The following TIAM1 variants were observed in gnomAD, a reference collection of about 807,000 sequenced individuals.
TIAM1 encodes rho guanine nucleotide exchange factor TIAM1.
Under a neutral mutation model 163.5 loss-of-function variants are expected in TIAM1, and 65 were observed. The ratio of observed to expected loss-of-function variants is 0.40; its 90% CI spans 0.33 to 0.49. TIAM1 has a LOEUF of 0.49. Among genes scored for constraint, TIAM1 ranks in the 20% least tolerant of loss-of-function variants. The probability of loss-of-function intolerance (pLI) is 0.77; values close to 1 mark genes in which losing one functional copy is unlikely to be tolerated. For missense variants in TIAM1, 1,789 were observed against 2,044.7 expected (o/e 0.87, Z 2.41); for synonymous variants, 833 against 810.1 (o/e 1.03, Z -0.48).
intron 2 of TIAM1, among the ~76,000 whole-genome samples, chr21:31,338,520 TAG>T (rs982204008): frequency 2.0e-5 from 3 of 152,046 alleles, no homozygotes; most frequent in African/African-American, 7.2e-5. Flanking sequence ...ATTCTCCTCC[TAG>T]GAAGTAAACG....
intron 13 of TIAM1, among the ~76,000 whole-genome samples, chr21:31,188,811 C>T (rs963387576): frequency 6.6e-6 from 1 of 151,816 alleles, no homozygotes; most frequent in Admixed American, 6.6e-5. Flanking sequence ...TGGCCTCATG[C>T]GATCCTCCCA....
intron 2 of TIAM1, among the ~76,000 whole-genome samples, chr21:31,289,881 T>C (rs1358671101): frequency 1.3e-5 from 2 of 152,156 alleles, no homozygotes; most frequent in Non-Finnish European, 2.9e-5. Flanking sequence ...TGACATTCAC[T>C]GCCAAGTAAT....
At chr21:31,558,816 C>CG (rs1312229027) in intron 1 of TIAM1, 1 of 152,110 alleles carries the variant, frequency 6.6e-6, no homozygotes, top group East Asian at 1.9e-4. Flanking sequence ...GTGCGGGAGA[C>CG]GGGGGTCAGA....
chr21:31,469,793 C>T (rs1165920150), intron 1 of TIAM1, among the ~76,000 whole-genome samples: 1 of 151,858 alleles, frequency 6.6e-6, no homozygotes, highest in African/African-American at 2.4e-5. Flanking sequence ...GATCGCGCCA[C>T]TGCCCTCCAG....
chr21:31,420,985 G>C (rs1290280164), intron 2 of TIAM1, among the ~76,000 whole-genome samples: 1 of 151,962 alleles, frequency 6.6e-6, no homozygotes, highest in Non-Finnish European at 1.5e-5. Context: ...AGCCGGGTAT[G>C]GTGGCGGGTG....
intron 15 of TIAM1, among the ~76,000 whole-genome samples, chr21:31,169,958 A>C (rs2084423406): frequency 6.6e-6 from 1 of 152,244 alleles, no homozygotes; most frequent in East Asian, 1.9e-4. Context: ...GAGAAAGCAG[A>C]ATTTATAAAT....
chr21:31,358,479 C>T (rs992237860), intron 2 of TIAM1, among the ~76,000 whole-genome samples: 23 of 152,138 alleles, frequency 1.5e-4, no homozygotes, highest in Non-Finnish European at 2.5e-4. Flanking sequence ...ACTCCACAAT[C>T]GAATACCGCA....
At chr21:31,453,130 T>C in intron 2 of TIAM1, 1 of 306,124 alleles carries the variant, frequency 3.3e-6, no homozygotes. Flanking sequence ...AGGATTCTCC[T>C]GAAAAAAGTG....
At chr21:31,343,440 T>G (rs1278626682) in intron 1 of TIAM1, among the ~76,000 whole-genome samples, 1 of 152,186 alleles carries the variant, frequency 6.6e-6, no homozygotes, top group East Asian at 1.9e-4. Context: ...AAAATTGACT[T>G]AGGCAATCGA....
At chr21:31,127,663 G>A (rs1490881471) in intron 25 of TIAM1, among the ~76,000 whole-genome samples, 6 of 152,022 alleles carry the variant, frequency 3.9e-5, no homozygotes, top group Admixed American at 2.0e-4. Context: ...TGATCCACCC[G>A]CCTCGGCCTC....
chr21:31,486,060 T>C (rs1040540557), intron 1 of TIAM1, among the ~76,000 whole-genome samples: 2 of 152,260 alleles, frequency 1.3e-5, no homozygotes, highest in East Asian at 1.9e-4. Context: ...CACCACTGAG[T>C]GGAAACCAAT....
At chr21:31,365,030 T>C (rs1157819548) in intron 2 of TIAM1, among the ~76,000 whole-genome samples, 1 of 152,230 alleles carries the variant, frequency 6.6e-6, no homozygotes, top group East Asian at 1.9e-4. Flanking sequence ...TTCATGATTT[T>C]TACATGACAC....
intron 2 of TIAM1, among the ~76,000 whole-genome samples, chr21:31,295,421 G>T (rs1316351832): frequency 7.7e-6 from 1 of 129,666 alleles, no homozygotes; most frequent in Non-Finnish European, 1.5e-5. Flanking sequence ...AGTGCGCCGA[G>T]ATCACGCCAC....
chr21:31,346,636 GGCCCATCAGTCATTTCTCCATT>G (rs1446692854), upstream of TIAM1, among the ~76,000 whole-genome samples: 6 of 152,192 alleles, frequency 3.9e-5, no homozygotes, highest in Non-Finnish European at 8.8e-5. Flanking sequence ...GCCCCATCGA[GGCCCATCAGTCATTTCTCCATT>G]GACAATTATG....
At chr21:31,435,269 T>G (rs2044172689) in intron 2 of TIAM1, among the ~76,000 whole-genome samples, 1 of 152,126 alleles carries the variant, frequency 6.6e-6, no homozygotes, top group Non-Finnish European at 1.5e-5. Flanking sequence ...GTCTTCAAGT[T>G]TAAGGCAAGA....
Position 31,154,297 on chromosome 21 carries a change from G to A in TIAM1, c.3121C>T (p.Leu1041=). Residue 1041 remains leucine, a synonymous_variant, in exon 17 of 28, where the codon CTG becomes TTG. Transcript: ENST00000541036. ...TMRQLSDADK[L]RKVICELLET... is the part of the protein sequence containing the mutation. ...AGGAGCTCGCAGATCACCTTGCGCAGCTTATCTGCATCCGAGAGTTGTCTC... is the reference window on the plus strand; with the variant it reads ...AGGAGCTCGCAGATCACCTTGCGCAACTTATCTGCATCCGAGAGTTGTCTC... The A allele has an allele frequency of 6.2e-7, 1 of 1,614,138 alleles. No homozygotes were observed. The highest frequency in any genetic ancestry group is 8.5e-7 in the Non-Finnish European group (1 of 1,180,026).
At chr21:31,199,177 T>C (rs1466705876) in intron 12 of TIAM1, among the ~76,000 whole-genome samples, 1 of 152,172 alleles carries the variant, frequency 6.6e-6, no homozygotes, top group African/African-American at 2.4e-5. Flanking sequence ...ATCAGGATCA[T>C]TTCTTTCTCT....
intron 2 of TIAM1, among the ~76,000 whole-genome samples, chr21:31,450,753 C>A (rs918496964): frequency 6.6e-6 from 1 of 152,114 alleles, no homozygotes; most frequent in Non-Finnish European, 1.5e-5. Context: ...TGGTGTCAGG[C>A]AAGAGAGAGA....
At chr21:31,144,925 C>CTTATTGAA (rs1226541099) in intron 20 of TIAM1, among the ~76,000 whole-genome samples, 2 of 148,204 alleles carry the variant, frequency 1.3e-5, no homozygotes, top group African/African-American at 5.0e-5. Context: ...TAATATTTTT[C>CTTATTGAA]TTATTGAATT....
Sources: allele counts gnomAD v4.1 joint callset (sites outside exome capture counted in the v4.1 genomes callset), GRCh38; gene constraint gnomAD v4.1.1; transcripts MANE v1.5; gene names NCBI Gene and HGNC (gene_info 2026-07-23, HGNC 2026-07-21).